The following SBK1 variants were observed in gnomAD, a reference collection of about 807,000 sequenced individuals.
SBK1 encodes the protein SH3 domain binding kinase 1.
SBK1 carries 11 observed loss-of-function variants against 24.4 expected under a neutral mutation model. The ratio of observed to expected loss-of-function variants is 0.45; its 90% confidence interval spans 0.28 to 0.75. The LOEUF is 0.75. Ranked by LOEUF, SBK1 falls within the 30% of genes least tolerant of loss-of-function variation. The pLI is 0.12. For missense variants in SBK1, 467 were observed against 620.5 expected, an observed-to-expected ratio of 0.75 and a Z score of 2.63; for synonymous variants, 308 against 284.4, an observed-to-expected ratio of 1.08 and a Z score of -0.83.
At position 28,269,227 on chromosome 16, in the gene SBK1, G is replaced by T. The variant is rs566140975; in HGVS notation, c.257+9725G>T. ...TTTTGTATTTTTTAGTAGAGGTGGG[G>T]TTTCACCATGTTAGTCAGGCTGGTC... On this transcript the variant is annotated intron_variant, in intron 1 of 3. Coordinates refer to the SBK1 transcript ENST00000671413. 2.6e-5 allele frequency among the ~76,000 whole-genome samples: 4 copies of T among 151,732 alleles called. No homozygotes were observed. In the South Asian group the frequency reaches 8.3e-4, roughly 32 times the overall value.
At chr16:28,301,499 T>A (rs1017151566) in intron 1 of SBK1, among the ~76,000 whole-genome samples, 1 of 152,184 alleles carries the variant, frequency 6.6e-6, no homozygotes. Context: ...GGGAGGGCAG[T>A]GAGGAAGAAT....
At chr16:28,280,519 C>T (rs966512825) in intron 1 of SBK1, among the ~76,000 whole-genome samples, 1 of 151,342 alleles carries the variant, frequency 6.6e-6, no homozygotes. Context: ...TACCCCCATT[C>T]CTTGAAATGT....
At chr16:28,279,309 G>C (rs2044514357) in intron 1 of SBK1, among the ~76,000 whole-genome samples, 1 of 151,154 alleles carries the variant, frequency 6.6e-6, no homozygotes, top group Non-Finnish European at 1.5e-5. Flanking sequence ...TGAGGTGGGA[G>C]GATCACTTGA....
At chr16:28,276,995 G>C (rs2044497338) in intron 1 of SBK1, among the ~76,000 whole-genome samples, 1 of 152,088 alleles carries the variant, frequency 6.6e-6, no homozygotes, top group Non-Finnish European at 1.5e-5. Flanking sequence ...GCAGGTACCA[G>C]GGCAAGCGAT....
At chr16:28,269,119 T>C (rs1320797425) in intron 1 of SBK1, among the ~76,000 whole-genome samples, 1 of 150,192 alleles carries the variant, frequency 6.7e-6, no homozygotes, top group African/African-American at 2.5e-5. Context: ...CTGCAACCTC[T>C]GCCTCCTGGG....
intron 1 of SBK1, among the ~76,000 whole-genome samples, chr16:28,307,808 G>T (rs898008782): frequency 2.0e-5 from 3 of 152,102 alleles, no homozygotes; most frequent in South Asian, 2.1e-4. Context: ...GATGCGTTTT[G>T]GAGGGGACAT....
At chr16:28,287,287 A>G (rs2044571449) in intron 1 of SBK1, among the ~76,000 whole-genome samples, 1 of 40,056 alleles carries the variant, frequency 2.5e-5, no homozygotes. Context: ...CTAAAAATAC[A>G]AAAAAAAAAA....
At position 28,274,274 on chromosome 16, in the gene SBK1, A is replaced by G. The variant is rs545307770; in HGVS notation, c.257+14772A>G. Among the ~76,000 whole-genome samples the G allele has an allele frequency of 6.6e-5, 10 of 152,340 alleles. No individual in the cohort carries two copies. The East Asian group carries it at 1.9e-3, about 29-fold the overall frequency. On this transcript the variant is annotated intron_variant, in intron 1 of 3. Transcript: ENST00000671413. ...GTTTTAACAAGTGCACCACGCTGAT[A>G]CAAGATGTTAATGGTAGGAGAAATT...
intron 1 of SBK1, among the ~76,000 whole-genome samples, chr16:28,279,010 G>C (rs971305339): frequency 6.6e-6 from 1 of 152,156 alleles, no homozygotes; most frequent in African/African-American, 2.4e-5. Flanking sequence ...TGGATCACTT[G>C]AGGTCAGGAG....
intron 1 of SBK1, among the ~76,000 whole-genome samples, chr16:28,296,072 C>G (rs890865590): frequency 6.6e-6 from 1 of 150,892 alleles, no homozygotes; most frequent in Non-Finnish European, 1.5e-5. Flanking sequence ...ATTACAGATG[C>G]CCACCACCAC....
intron 1 of SBK1, among the ~76,000 whole-genome samples, chr16:28,268,060 T>C (rs181053999): frequency 2.0e-5 from 3 of 152,180 alleles, no homozygotes; most frequent in Admixed American, 2.0e-4. Flanking sequence ...GGTGGGAGGA[T>C]TGCTTGAGCC....
At position 28,321,182 on chromosome 16, in the gene SBK1, A is replaced by AAC. The variant is rs55860114; in HGVS notation, c.*316_*317dup. Reference sequence around the variant, plus strand: ...CCCGAGAATTCGGAGGCCACCACACAACACACACACACACACACACACACA... The same window carrying AAC: ...CCCGAGAATTCGGAGGCCACCACACAACACACACACACACACACACACACACA... On this transcript the variant is annotated 3_prime_UTR_variant, in exon 4 of 4. Transcript: ENST00000341901. The AAC allele has an allele frequency of 0.015, 2,937 of 191,570 alleles. 59 individuals are homozygous for AAC. Among genetic ancestry groups the AAC allele is most frequent in the African/African-American group, 0.037 (1,185 of 32,370 alleles). The allele number at this position is 191,570 out of a possible 1,614,324, so 11.9% of individuals were successfully genotyped here. A position where few individuals can be genotyped will look rare whatever the true frequency, so the allele number is the denominator to read the frequency against.
chr16:28,258,934 C>G (rs13334289), upstream of SBK1: 4 of 152,764 alleles, frequency 2.6e-5, no homozygotes, highest in Admixed American at 2.6e-4. Flanking sequence ...GCTGGCTGGA[C>G]CAGGAGGAGC....
upstream of SBK1, chr16:28,292,486 C>G: frequency 1.0e-6 from 1 of 956,476 alleles, no homozygotes; most frequent in Non-Finnish European, 1.2e-6. Flanking sequence ...AGCCGCGGGC[C>G]GGGCGGGCAG....
At chr16:28,296,172 G>A (rs2044638985) in intron 1 of SBK1, among the ~76,000 whole-genome samples, 1 of 149,586 alleles carries the variant, frequency 6.7e-6, no homozygotes. Context: ...TCGGCTCGCT[G>A]CGACCTCCAC....
At chr16:28,277,475 G>A (rs889439302) in intron 1 of SBK1, among the ~76,000 whole-genome samples, 20 of 152,216 alleles carry the variant, frequency 1.3e-4, no homozygotes, top group African/African-American at 4.6e-4. Context: ...CCAGGAGTTT[G>A]AGACCAGCCT....
intron 1 of SBK1, chr16:28,286,018 G>C (rs2044563481): frequency 1.3e-5 from 2 of 152,382 alleles, no homozygotes; most frequent in Middle Eastern, 6.8e-3. Context: ...GCAGTGGAGA[G>C]CTCATCAGTA....
At chr16:28,307,510 T>C (rs1242012549) in intron 1 of SBK1, among the ~76,000 whole-genome samples, 2 of 152,042 alleles carry the variant, frequency 1.3e-5, no homozygotes, top group African/African-American at 4.8e-5. Flanking sequence ...GAGGCCAAGA[T>C]GGGTGGATCA....
chr16:28,316,698 C>A (rs1012755434), intron 1 of SBK1, among the ~76,000 whole-genome samples: 1 of 152,098 alleles, frequency 6.6e-6, no homozygotes, highest in Non-Finnish European at 1.5e-5. Context: ...ACATGTACCC[C>A]AGAACTAAAA....
Sources: allele counts gnomAD v4.1 joint callset (sites outside exome capture counted in the v4.1 genomes callset), GRCh38; gene constraint gnomAD v4.1.1; transcripts MANE v1.5; gene names NCBI Gene and HGNC (gene_info 2026-07-23, HGNC 2026-07-21).